The following COL28A1 variants were observed in gnomAD, a reference collection of about 807,000 sequenced individuals.
COL28A1 encodes collagen alpha-1(XXVIII) chain.
Under a neutral mutation model 150.2 loss-of-function variants are expected in COL28A1, and 161 were observed. The ratio of observed to expected loss-of-function variants is 1.07; its 90% CI spans 0.94 to 1.22. COL28A1 has a LOEUF of 1.22. Ranked by LOEUF, COL28A1 falls within the 50% of genes most tolerant of loss-of-function variation. The pLI is 0.00. For synonymous variants in COL28A1, 552 were observed against 469.7 expected, an observed-to-expected ratio of 1.18 and a Z score of -2.26; for missense variants, 1,617 against 1,388.3, an observed-to-expected ratio of 1.16 and a Z score of -2.62.
chr7:7,380,534 G>A, intron 30 of COL28A1, 126 bp downstream of exon 30: 1 of 777,008 alleles, frequency 1.3e-6, no homozygotes, highest in East Asian at 2.6e-5. Context: ...GCTGGTAGTA[G>A]TTGATCTCAT....
downstream of COL28A1, among the ~76,000 whole-genome samples, chr7:7,355,991 G>A (rs1780343858): frequency 2.0e-5 from 3 of 152,246 alleles, no homozygotes; most frequent in South Asian, 2.1e-4. Flanking sequence ...ATATACAACC[G>A]TGGAAGTAAA....
intron 27 of COL28A1, among the ~76,000 whole-genome samples, chr7:7,391,151 T>C (rs773962960): frequency 1.3e-5 from 2 of 152,238 alleles, no homozygotes; most frequent in Non-Finnish European, 1.5e-5. Flanking sequence ...GCTTTAGCTG[T>C]GGCTCAGAGA....
At chr7:7,395,373 C>T (rs1380577200) in intron 27 of COL28A1, among the ~76,000 whole-genome samples, 3 of 152,184 alleles carry the variant, frequency 2.0e-5, no homozygotes, top group African/African-American at 7.2e-5. Flanking sequence ...GAAAACATTT[C>T]ACCTTTTAAT....
intron 23 of COL28A1, 35 bp from the exon 24 acceptor site, chr7:7,432,735 C>T: frequency 1.3e-6 from 2 of 1,553,974 alleles, no homozygotes; most frequent in South Asian, 2.2e-5. Flanking sequence ...TATCATGAGA[C>T]TCAACTAGAA....
At chr7:7,509,034 T>C (rs1780979365) in intron 9 of COL28A1, among the ~76,000 whole-genome samples, 1 of 152,228 alleles carries the variant, frequency 6.6e-6, no homozygotes, top group South Asian at 2.1e-4. Context: ...GGGTTTCACC[T>C]TGTTAGCCAG....
At chr7:7,380,147 T>C (rs562741524) in intron 30 of COL28A1, among the ~76,000 whole-genome samples, 1 of 152,318 alleles carries the variant, frequency 6.6e-6, no homozygotes, top group Non-Finnish European at 1.5e-5. Context: ...GTCAGTTTTC[T>C]GTTCTTAATG....
At chr7:7,356,320 A>G (rs1000819595), downstream of COL28A1, 4 of 152,328 alleles carry the variant, frequency 2.6e-5, no homozygotes, top group East Asian at 5.8e-4. Context: ...TTGACATGGT[A>G]AATACGAAGT....
chr7:7,393,917 C>A (rs1439278904), intron 27 of COL28A1, among the ~76,000 whole-genome samples: 23 of 152,060 alleles, frequency 1.5e-4, no homozygotes, highest in Admixed American at 1.5e-3. Flanking sequence ...TGGCTTTAGC[C>A]CCCTTTCCAG....
intron 15 of COL28A1, among the ~76,000 whole-genome samples, chr7:7,458,504 C>T (rs1203832042): frequency 1.3e-5 from 2 of 152,010 alleles, no homozygotes; most frequent in Non-Finnish European, 2.9e-5. Flanking sequence ...CTTTATATAA[C>T]ATTAAATATA....
chr7:7,536,369 A>C (rs1583596417), upstream of COL28A1, among the ~76,000 whole-genome samples: 2 of 151,102 alleles, frequency 1.3e-5, no homozygotes, highest in Admixed American at 1.3e-4. Context: ...GTCTGAGTAT[A>C]GTCATAGTTC....
the COL28A1 span, among the ~76,000 whole-genome samples, chr7:7,542,562 C>T: frequency 1.3e-5 from 2 of 152,252 alleles, no homozygotes; most frequent in East Asian, 3.9e-4. Flanking sequence ...ATAAAAGAGA[C>T]TTACACAGAG....
At chr7:7,353,907 A>C (rs749975832), downstream of COL28A1, among the ~76,000 whole-genome samples, 1 of 152,202 alleles carries the variant, frequency 6.6e-6, no homozygotes, top group African/African-American at 2.4e-5. Context: ...GTGGGCATCC[A>C]GGAAATGAGA....
At chr7:7,450,597 T>G (rs1008072582) in intron 18 of COL28A1, among the ~76,000 whole-genome samples, 1 of 152,154 alleles carries the variant, frequency 6.6e-6, no homozygotes, top group Non-Finnish European at 1.5e-5. Flanking sequence ...CACAAGCATT[T>G]TGGACAAGAT....
At chr7:7,432,790 C>A (rs756019840) in intron 23 of COL28A1, 90 bp from the exon 24 acceptor site, 12 of 943,630 alleles carry the variant, frequency 1.3e-5, no homozygotes, top group Non-Finnish European at 1.9e-5. Flanking sequence ...AATATGCCAA[C>A]GGTCGATTTC....
At chr7:7,452,082 A>G (rs572353035) in intron 18 of COL28A1, among the ~76,000 whole-genome samples, 13 of 152,350 alleles carry the variant, frequency 8.5e-5, no homozygotes, top group African/African-American at 3.1e-4. Context: ...AGATAAACAA[A>G]GTGCCACCCT....
chr7:7,498,554 A>G (rs1477683376), intron 11 of COL28A1, among the ~76,000 whole-genome samples: 2 of 152,210 alleles, frequency 1.3e-5, no homozygotes, highest in Non-Finnish European at 2.9e-5. Flanking sequence ...TGATGGTTAT[A>G]CAACACTGTG....
chr7:7,435,081 T>C (rs942861019), intron 23 of COL28A1, among the ~76,000 whole-genome samples: 7 of 151,952 alleles, frequency 4.6e-5, no homozygotes, highest in African/African-American at 1.7e-4. Flanking sequence ...AGTAGCAAAA[T>C]GATTGAGTGA....
chr7:7,390,201 AG>A (rs1404929817), intron 27 of COL28A1, among the ~76,000 whole-genome samples: 1 of 152,184 alleles, frequency 6.6e-6, no homozygotes, highest in Non-Finnish European at 1.5e-5. Flanking sequence ...TTTAGCATGA[AG>A]GGATGTTGAA....
At chr7:7,351,810 A>C (rs374454506), downstream of COL28A1, among the ~76,000 whole-genome samples, 178 of 152,170 alleles carry the variant, frequency 1.2e-3, 1 homozygote, top group African/African-American at 4.1e-3. Flanking sequence ...TAAACCAAAA[A>C]TAAAATTCCA....
Sources: allele counts gnomAD v4.1 joint callset (sites outside exome capture counted in the v4.1 genomes callset), GRCh38; gene constraint gnomAD v4.1.1; transcripts MANE v1.5; gene names NCBI Gene and HGNC (gene_info 2026-07-23, HGNC 2026-07-21).